Variants in RANBP2 observed in about 807,000 individuals in gnomAD.
RANBP2 encodes the protein E3 SUMO-protein ligase RanBP2.
In RANBP2, 57 loss-of-function variants were observed where a neutral mutation model predicts 303.6. The ratio of observed to expected loss-of-function variants is 0.19; its 90% CI spans 0.15 to 0.23. The LOEUF is 0.23. Ranked by LOEUF, RANBP2 falls within the 10% of genes least tolerant of loss-of-function variation. RANBP2 has a pLI of 1.00. For missense variants in RANBP2, 3,138 were observed against 3,780.8 expected (o/e 0.83, Z 4.46); for synonymous variants, 1,167 against 1,301.5 (o/e 0.90, Z 2.23).
the RANBP2 span, among the ~76,000 whole-genome samples, chr2:109,232,130 GT>G: frequency 2.6e-5 from 4 of 152,136 alleles, no homozygotes; most frequent in Admixed American, 2.0e-4. Flanking sequence ...CTTAAGTTAC[GT>G]TTCTCTTGTA....
the RANBP2 span, among the ~76,000 whole-genome samples, chr2:109,272,565 T>A: frequency 6.6e-6 from 1 of 152,228 alleles, no homozygotes; most frequent in Non-Finnish European, 1.5e-5. Flanking sequence ...CTACTTGGGC[T>A]GAAGGCTCAG....
the RANBP2 span, among the ~76,000 whole-genome samples, chr2:109,071,051 T>C: frequency 6.6e-6 from 1 of 152,152 alleles, no homozygotes; most frequent in Admixed American, 6.6e-5. Context: ...TATTTATTTA[T>C]AGCTACTACA....
the RANBP2 span, among the ~76,000 whole-genome samples, chr2:109,018,443 A>G: frequency 6.6e-6 from 1 of 152,186 alleles, no homozygotes; most frequent in African/African-American, 2.4e-5. Flanking sequence ...TCTTTTCCCA[A>G]TACAAATAAG....
At chr2:109,060,926 A>T in the RANBP2 span, among the ~76,000 whole-genome samples, 1 of 152,342 alleles carries the variant, frequency 6.6e-6, no homozygotes, top group Non-Finnish European at 1.5e-5. Context: ...CAAAAGAAAA[A>T]TTAGGAGATT....
At chr2:109,159,945 A>G in the RANBP2 span, among the ~76,000 whole-genome samples, 1 of 152,168 alleles carries the variant, frequency 6.6e-6, no homozygotes, top group Non-Finnish European at 1.5e-5. Flanking sequence ...ATTTAATTCT[A>G]TATTACAATG....
chr2:109,715,213 C>T, the RANBP2 span, among the ~76,000 whole-genome samples: 3 of 149,778 alleles, frequency 2.0e-5, no homozygotes, highest in Non-Finnish European at 4.5e-5. Flanking sequence ...GTGATCCACC[C>T]ACCTCGGCCT....
At chr2:108,930,171 C>A in the RANBP2 span, 1 of 1,614,022 alleles carries the variant, frequency 6.2e-7, no homozygotes, top group South Asian at 1.1e-5. Context: ...GGCACAGCCC[C>A]GTAGTCTGGT....
chr2:109,276,225 G>A, the RANBP2 span, among the ~76,000 whole-genome samples: 1 of 152,242 alleles, frequency 6.6e-6, no homozygotes, highest in Non-Finnish European at 1.5e-5. Context: ...GTGTGAGTCT[G>A]AACGTCCCTG....
At chr2:109,291,932 C>T in the RANBP2 span, among the ~76,000 whole-genome samples, 1 of 152,222 alleles carries the variant, frequency 6.6e-6, no homozygotes, top group Non-Finnish European at 1.5e-5. Context: ...GGCACAATCT[C>T]GGCTCACCAC....
the RANBP2 span, among the ~76,000 whole-genome samples, chr2:109,158,793 G>A: frequency 1.3e-5 from 2 of 152,204 alleles, no homozygotes; most frequent in Admixed American, 6.5e-5. Flanking sequence ...GCTGATTCCC[G>A]AGTGTGCACT....
chr2:109,284,645 A>G, the RANBP2 span, among the ~76,000 whole-genome samples: 98 of 152,342 alleles, frequency 6.4e-4, no homozygotes, highest in African/African-American at 2.3e-3. Flanking sequence ...TGCCAATGTC[A>G]TGGGTTAGAC....
chr2:109,616,242 T>G, the RANBP2 span: 1 of 1,015,942 alleles, frequency 9.8e-7, no homozygotes, highest in Non-Finnish European at 1.3e-6. Flanking sequence ...GTGGATGTCT[T>G]TTTCAGAGAT....
the RANBP2 span, among the ~76,000 whole-genome samples, chr2:108,860,617 T>C: frequency 6.6e-6 from 1 of 152,058 alleles, no homozygotes; most frequent in Non-Finnish European, 1.5e-5. Flanking sequence ...CTGATTTGCG[T>C]ATATTGAATC....
intron 25 of RANBP2, among the ~76,000 whole-genome samples, chr2:108,779,920 T>G (rs1678126313): frequency 6.6e-6 from 1 of 152,190 alleles, no homozygotes; most frequent in South Asian, 2.1e-4. Flanking sequence ...ATGCAGAAAT[T>G]ATAAACATGT....
chr2:108,858,700 CTTTT>C, the RANBP2 span, among the ~76,000 whole-genome samples: 1 of 143,816 alleles, frequency 7.0e-6, no homozygotes, highest in Non-Finnish European at 1.5e-5. Flanking sequence ...CTATTTTTTT[CTTTT>C]TTTTTTTAAT....
the RANBP2 span, among the ~76,000 whole-genome samples, chr2:109,208,088 C>T: frequency 2.7e-5 from 4 of 150,300 alleles, no homozygotes; most frequent in Non-Finnish European, 5.9e-5. Context: ...GTGCTGGGCA[C>T]AGTGCTGGGC....
chr2:109,545,616 T>C, the RANBP2 span: 1 of 1,529,728 alleles, frequency 6.5e-7, no homozygotes, highest in African/African-American at 1.4e-5. Flanking sequence ...TAAGAATTAA[T>C]TCAATAAAAT....
chr2:109,536,013 C>T, the RANBP2 span, among the ~76,000 whole-genome samples: 1 of 115,862 alleles, frequency 8.6e-6, no homozygotes, highest in Non-Finnish European at 1.7e-5. Flanking sequence ...TATGGAAATA[C>T]TTGGATGTCC....
chr2:109,427,680 C>A, the RANBP2 span, among the ~76,000 whole-genome samples: 1 of 152,238 alleles, frequency 6.6e-6, no homozygotes, highest in Non-Finnish European at 1.5e-5. Context: ...AGCCGTGCCA[C>A]CCCAGCTCCT....
Sources: gnomAD v4.1 joint callset for allele counts (sites outside exome capture counted in the v4.1 genomes callset) on GRCh38, gnomAD v4.1.1 for gene constraint, MANE v1.5 for transcripts, NCBI Gene and HGNC (gene_info 2026-07-23, HGNC 2026-07-21) for gene names.